Variants in ITGB5 observed in about 807,000 individuals in gnomAD.
The protein encoded by ITGB5 is integrin subunit beta 5.
In ITGB5, 38 loss-of-function variants were observed where a neutral mutation model predicts 84.8. That is an observed-to-expected ratio of 0.45 (90% confidence interval 0.35 to 0.59). The LOEUF (loss-of-function observed/expected upper bound fraction) is 0.59, where lower values mean the gene tolerates loss of function less well. ITGB5 is among the 20% of genes least tolerant of loss of function. ITGB5 has a pLI of 0.01. For synonymous variants in ITGB5, 393 were observed against 414.4 expected (o/e 0.95, Z 0.63); for missense variants, 905 against 1,034.5 (o/e 0.87, Z 1.72).
At chr3:124,790,902 T>C (rs529718618) in intron 10 of ITGB5, among the ~76,000 whole-genome samples, 3 of 152,286 alleles carry the variant, frequency 2.0e-5, no homozygotes, top group Non-Finnish European at 2.9e-5. Flanking sequence ...AAATTCTATA[T>C]CCTATTTGAT....
rs2063885837 is a variant in ITGB5, at chr3:124,773,910, G to A, written c.1696C>T (p.His566Tyr). The change falls in exon 11 of 15, where the codon CAT (histidine) becomes TAT (tyrosine). Residue 566 changes from histidine (H) to tyrosine (Y), a missense_variant and splice_region_variant. Coordinates refer to ENST00000296181, the MANE Select transcript of ITGB5 (RefSeq NM_002213.5). The part of the protein sequence containing the change: ...ARNKGVLCSG[H>Y]GECHCGECKC... ...CATTCCCCGCAGTGACACTCGCCAT[G>A]GCCTAAAAGGATACATGTGGCACAT... 2.5e-6 allele frequency: 4 copies of A among 1,614,040 alleles called. No homozygotes were observed. Among genetic ancestry groups the A allele is most frequent in the South Asian group, 1.1e-5 (1 of 91,074 alleles).
At chr3:124,848,669 T>C in intron 3 of ITGB5, 111 bp from the exon 4 acceptor site, 2 of 1,192,784 alleles carry the variant, frequency 1.7e-6, no homozygotes. Context: ...TTAGTGATTG[T>C]GTGCCTCACA....
chr3:124,879,725 G>C (rs555212400), intron 1 of ITGB5, among the ~76,000 whole-genome samples: 1 of 152,246 alleles, frequency 6.6e-6, no homozygotes, highest in Admixed American at 6.5e-5. Flanking sequence ...CCAATACATC[G>C]CTAAGTTAAA....
intron 3 of ITGB5, 108 bp downstream of exon 3, chr3:124,859,134 C>G: frequency 9.4e-7 from 1 of 1,059,802 alleles, no homozygotes; most frequent in Non-Finnish European, 1.4e-6. Flanking sequence ...CATCTCGTGG[C>G]TCTGATCTCA....
Position 124,836,213 on chromosome 3 carries a change from T to TAA in ITGB5, c.780+5168_780+5169dup, listed in dbSNP as rs5852430. 5.7e-3 allele frequency among the ~76,000 whole-genome samples: 849 copies of TAA among 147,828 alleles called. 2 individuals are homozygous for TAA. The highest frequency in any genetic ancestry group is 0.019 in the African/African-American group (774 of 40,258). ...CCTTCCTAGGTTTGGAATGTATTAT[T>TAA]AAAAAAAAAAAAATTCAACAGGCTG... On this transcript the variant is annotated intron_variant, in intron 5 of 14. Coordinates refer to ENST00000296181, the MANE Select transcript of ITGB5 (RefSeq NM_002213.5).
chr3:124,809,386 A>C (rs1412330927), intron 8 of ITGB5: 1 of 522,270 alleles, frequency 1.9e-6, no homozygotes, highest in Non-Finnish European at 3.4e-6. Context: ...GAGTTTGGAG[A>C]AGTTGATAGT....
intron 9 of ITGB5, among the ~76,000 whole-genome samples, chr3:124,798,172 C>T (rs996096141): frequency 1.3e-5 from 2 of 149,476 alleles, no homozygotes; most frequent in African/African-American, 4.9e-5. Flanking sequence ...CCTGCCTCAG[C>T]CTCCAGAGTA....
intron 8 of ITGB5, chr3:124,809,400 T>C (rs2064462692): frequency 6.1e-6 from 3 of 492,688 alleles, no homozygotes; most frequent in East Asian, 3.4e-5. Context: ...TGATAGTGGT[T>C]GACCTGCCAT....
chr3:124,875,421 G>A (rs1399709522), intron 1 of ITGB5, among the ~76,000 whole-genome samples: 2 of 146,870 alleles, frequency 1.4e-5, no homozygotes, highest in African/African-American at 5.1e-5. Context: ...AGGCTGCAGT[G>A]AGCCGAGATA....
At chr3:124,768,049 G>A (rs530098953) in intron 12 of ITGB5, among the ~76,000 whole-genome samples, 2 of 152,334 alleles carry the variant, frequency 1.3e-5, no homozygotes, top group East Asian at 3.9e-4. Context: ...CAGCCTGGGT[G>A]ACAGAGACCC....
At chr3:124,771,339 A>AG (rs1460208946) in intron 11 of ITGB5, among the ~76,000 whole-genome samples, 1 of 152,200 alleles carries the variant, frequency 6.6e-6, no homozygotes, top group Non-Finnish European at 1.5e-5. Context: ...AGCAGCAAGT[A>AG]GAAAAAACAG....
upstream of ITGB5, among the ~76,000 whole-genome samples, chr3:124,891,570 T>C (rs904038485): frequency 6.7e-5 from 9 of 134,018 alleles, no homozygotes; most frequent in Non-Finnish European, 1.2e-4. Flanking sequence ...AAGTGAGCTA[T>C]GCGACAGAGT....
At chr3:124,795,923 G>T (rs2064215485) in intron 10 of ITGB5, among the ~76,000 whole-genome samples, 2 of 152,220 alleles carry the variant, frequency 1.3e-5, no homozygotes, top group African/African-American at 4.8e-5. Flanking sequence ...CTGGCCTCCA[G>T]AACTGTAATG....
chr3:124,892,691 T>TAAAAA (rs35455753), intron 1 of ITGB5, among the ~76,000 whole-genome samples: 1 of 91,686 alleles, frequency 1.1e-5, no homozygotes, highest in Non-Finnish European at 2.1e-5. Flanking sequence ...GGAGACTCTG[T>TAAAAA]AAAAAAAAAA....
Position 124,817,450 on chromosome 3 carries a change from C to T in ITGB5, c.1128+171G>A, listed in dbSNP as rs576335317. Among the ~76,000 whole-genome samples, 9 of 152,242 alleles carry T rather than the reference C, an allele frequency of 5.9e-5. No homozygotes were observed. The South Asian group carries it at 1.0e-3, about 18-fold the overall frequency. On this transcript the variant is annotated intron_variant, in intron 8 of 14. Transcript: ENST00000296181. ...CTCATCAAGCAAGGATGGGTTTCTC[C>T]ACCCTGACCCTGAGTGAAGCAGGAA... is the stretch of plus-strand genomic sequence containing the variant.
intron 6 of ITGB5, 107 bp downstream of exon 6, chr3:124,821,206 G>T: frequency 7.9e-7 from 1 of 1,263,484 alleles, no homozygotes; most frequent in Non-Finnish European, 1.1e-6. Flanking sequence ...GAAAGCCAGT[G>T]AATACTGAGG....
At position 124,796,637 on chromosome 3, in the gene ITGB5, A is replaced by G; in HGVS notation, c.1444T>C (p.Tyr482His). 6 of 1,614,014 alleles carry G rather than the reference A, an allele frequency of 3.7e-6. No homozygotes were observed. The highest frequency in any genetic ancestry group is 5.1e-6 in the Non-Finnish European group (6 of 1,179,980). Residue 482 changes from tyrosine to histidine, a missense_variant, in exon 10 of 15, where the codon TAT becomes CAT. Physicochemically the swap from Tyr to His is moderately conservative, Grantham distance 83. Coordinates refer to ENST00000296181, the MANE Select transcript of ITGB5 (RefSeq NM_002213.5). ...CTGCACTCACACAGGCCGCAGACATAGGTCCCGCTCCCGTTGCACCTGGCG... is the reference window on the plus strand; with the variant it reads ...CTGCACTCACACAGGCCGCAGACATGGGTCCCGCTCCCGTTGCACCTGGCG... ...NSARCNGSGT[Y>H]VCGLCECSPG...
chr3:124,769,424 G>T (rs1489456612), intron 11 of ITGB5: 1 of 260,382 alleles, frequency 3.8e-6, no homozygotes. Context: ...TGAGGAGTCT[G>T]CTCCAAGCCA....
At chr3:124,831,011 A>G (rs1444155593) in intron 5 of ITGB5, among the ~76,000 whole-genome samples, 1 of 152,026 alleles carries the variant, frequency 6.6e-6, no homozygotes, top group African/African-American at 2.4e-5. Flanking sequence ...AACAACAAAA[A>G]AACAAGAAAA....
Sources: allele counts gnomAD v4.1 joint callset (sites outside exome capture counted in the v4.1 genomes callset), GRCh38; gene constraint gnomAD v4.1.1; transcripts MANE v1.5; gene names NCBI Gene and HGNC (gene_info 2026-07-23, HGNC 2026-07-21).